Variants in TMEM39B observed in about 807,000 individuals in gnomAD.
TMEM39B encodes the protein transmembrane protein 39B.
A neutral mutation model predicts 52.2 loss-of-function variants in TMEM39B; 23 were observed. That is an observed-to-expected ratio of 0.44 (90% CI 0.32 to 0.62). The LOEUF (loss-of-function observed/expected upper bound fraction) is 0.62, where lower values mean the gene tolerates loss of function less well. Among genes scored for constraint, TMEM39B ranks in the 20% least tolerant of loss-of-function variants. The pLI is 0.06. For synonymous variants in TMEM39B, 285 were observed against 264.0 expected, an observed-to-expected ratio of 1.08 and a Z score of -0.77; for missense variants, 547 against 642.0, an observed-to-expected ratio of 0.85 and a Z score of 1.60.
intron 5 of TMEM39B, among the ~76,000 whole-genome samples, chr1:32,088,031 C>A (rs1005531283): frequency 5.3e-5 from 8 of 150,080 alleles, no homozygotes; most frequent in Non-Finnish European, 8.9e-5. Flanking sequence ...GAGGCTGAGG[C>A]AGAAGAATGG....
intron 7 of TMEM39B, among the ~76,000 whole-genome samples, chr1:32,097,289 C>T (rs1640845736): frequency 6.6e-6 from 1 of 151,848 alleles, no homozygotes; most frequent in Non-Finnish European, 1.5e-5. Flanking sequence ...GTTAGTTTTG[C>T]CTGTTGTAGA....
In TMEM39B at chr1:32,102,605, T is replaced by C. The variant is rs775050291; in HGVS notation, c.1411T>C (p.Leu471=). The part of the protein sequence containing the change: ...YAFFKLLRDR[L]VLGKAYSYSA... ...CTTCTTCAAGCTGCTCCGGGACCGC[T>C]TGGTATTGGGCAAGGCCTACTCATA... The change falls in exon 9 of 9, where the codon TTG becomes CTG. Residue 471 remains leucine (L), a synonymous_variant. Transcript: ENST00000336294. 4 of 1,613,644 alleles carry C rather than the reference T, an allele frequency of 2.5e-6. No homozygotes were observed. Among genetic ancestry groups the C allele is most frequent in the South Asian group, 2.2e-5 (2 of 91,050 alleles).
chr1:32,098,902 A>G (rs1430349472), intron 7 of TMEM39B, among the ~76,000 whole-genome samples: 2 of 152,190 alleles, frequency 1.3e-5, no homozygotes, highest in Non-Finnish European at 2.9e-5. Flanking sequence ...AAATAAATAG[A>G]TGACCAGCAT....
rs1312127057 is a variant in TMEM39B, at chr1:32,075,664, C to A, written c.193C>A (p.Gln65Lys). 3 of 1,551,768 alleles carry A rather than the reference C, an allele frequency of 1.9e-6. No homozygotes were observed. ...PLATQTVVPLQHCKIPELPVQ... is the reference protein window; with the variant it reads ...PLATQTVVPLKHCKIPELPVQ... ...GGCCACCCAAACTGTTGTGCCTCTA[C>A]AGCACTGCAAGATCCCCGAGCTGCC... The change falls in exon 3 of 9, where the codon CAG (glutamine) becomes AAG (lysine). Residue 65 changes from glutamine to lysine, a missense_variant. By Grantham distance (53) the Gln-to-Lys change is moderately conservative (BLOSUM62 1). Coordinates refer to ENST00000336294, the MANE Select transcript of TMEM39B (RefSeq NM_018056.4).
chr1:32,100,996 A>C (rs182103601), intron 8 of TMEM39B, among the ~76,000 whole-genome samples: 13 of 152,300 alleles, frequency 8.5e-5, no homozygotes, highest in Non-Finnish European at 1.9e-4. Context: ...ATGCCACTGC[A>C]CTCCAGCCTG....
rs1420981094 is a variant in TMEM39B at position 32,102,525 on chromosome 1, A to C, written c.1331A>C (p.Glu444Ala). The change falls in exon 9 of 9, where the codon GAA becomes GCA. Residue 444 changes from glutamate (E) to alanine (A), a missense_variant. Transcript: ENST00000336294. The part of the protein sequence containing the change: ...VYQLYSLMSS[E>A]KWHQTISLAL... ...CAGCTGTACTCCCTAATGTCCTCTG[A>C]AAAGTGGCACCAGACCATCTCGCTG... 6.2e-6 allele frequency: 10 copies of C among 1,614,118 alleles called. 1 individual carries two copies. The highest frequency in any genetic ancestry group is 5.5e-5 in the South Asian group (5 of 91,074).
chr1:32,073,134 C>T, intron 1 of TMEM39B, 83 bp downstream of exon 1: 2 of 1,354,256 alleles, frequency 1.5e-6, no homozygotes, highest in South Asian at 1.8e-5. Context: ...CTGCTCCACG[C>T]GGACAGGAGC....
chr1:32,087,943 T>G (rs1640435278), intron 5 of TMEM39B: 1 of 146,780 alleles, frequency 6.8e-6, no homozygotes, highest in African/African-American at 2.5e-5. Flanking sequence ...CCACCACACC[T>G]GGCCCATCTC....
Position 32,075,191 on chromosome 1 carries a change from AG to A in TMEM39B, c.131+118del, listed in dbSNP as rs529106457. ...ATCCTAGATGCCAGTGGGGGCTTAG[AG>A]GGGAGTAAGCAGCAGAAAAGATCCA... is the stretch of plus-strand genomic sequence containing the variant. On this transcript the variant is annotated intron_variant, in intron 2 of 8. Coordinates refer to ENST00000336294, the MANE Select transcript of TMEM39B (RefSeq NM_018056.4). 91 of 1,402,246 alleles carry A rather than the reference AG, an allele frequency of 6.5e-5. No homozygotes were observed. The African/African-American group carries it at 1.2e-3, about 18-fold the overall frequency. 86.9% of individuals were successfully genotyped at this position (1,402,246 alleles called of 1,614,324 possible).
At position 32,076,751 on chromosome 1, in the gene TMEM39B, G is replaced by C. The variant is rs759309171; in HGVS notation, c.352-12G>C. 1 of 1,613,942 alleles carries C rather than the reference G, an allele frequency of 6.2e-7. No homozygotes were observed. Among genetic ancestry groups the C allele is most frequent in the Admixed American group, 1.7e-5 (1 of 60,000 alleles). On this transcript the variant is annotated splice_polypyrimidine_tract_variant and intron_variant, in intron 3 of 8. Coordinates refer to ENST00000336294, the MANE Select transcript of TMEM39B (RefSeq NM_018056.4). ...GGGCCCACATGACCCCCAGGCCTCTGCCCCCTGACAGAACTTCCATCTGAT... is the reference window on the plus strand; with the variant it reads ...GGGCCCACATGACCCCCAGGCCTCTCCCCCCTGACAGAACTTCCATCTGAT...
Position 32,089,180 on chromosome 1 carries a change from A to C in TMEM39B, c.591-2495A>C, listed in dbSNP as rs1194970542. On this transcript the variant is annotated intron_variant, in intron 5 of 8. Coordinates refer to ENST00000336294, the MANE Select transcript of TMEM39B (RefSeq NM_018056.4). Reference sequence around the variant, plus strand: ...TAGACAGGGTCTCATTCTGTCACCCAGGCTGGAGTGCAGTAGTGTGATCTC... The same window carrying C: ...TAGACAGGGTCTCATTCTGTCACCCCGGCTGGAGTGCAGTAGTGTGATCTC... Among the ~76,000 whole-genome samples, 5 of 140,878 alleles carry C rather than the reference A, an allele frequency of 3.5e-5. No homozygotes were observed. The East Asian group carries it at 1.0e-3, about 29-fold the overall frequency. 92.4% of individuals were successfully genotyped at this position (140,878 alleles called of 152,430 possible).
chr1:32,076,934 T>G, intron 4 of TMEM39B, 88 bp downstream of exon 4: 1 of 1,477,304 alleles, frequency 6.8e-7, no homozygotes, highest in Non-Finnish European at 9.4e-7. Flanking sequence ...CCCTTCAGCC[T>G]TAGGGTATTT....
chr1:32,093,102 ATC>A (rs1640670358), intron 6 of TMEM39B, among the ~76,000 whole-genome samples: 1 of 151,898 alleles, frequency 6.6e-6, no homozygotes, highest in Non-Finnish European at 1.5e-5. Context: ...AGAGAACTTA[ATC>A]TCTCTTTTTT....
rs940527739 is a variant in TMEM39B at position 32,091,710 on chromosome 1, G to T, written c.626G>T (p.Cys209Phe). 1.2e-6 allele frequency: 2 copies of T among 1,611,568 alleles called. No individual in the cohort carries two copies. The highest frequency in any genetic ancestry group is 1.3e-5 in the African/African-American group (1 of 74,906). The change falls in exon 6 of 9, where the codon TGC becomes TTC. Residue 209 changes from cysteine (C) to phenylalanine (F), a missense_variant. Cys to Phe is a radical substitution (Grantham distance 205). Transcript: ENST00000336294. ...GMYIPFLQLN[C>F]DLRKTSLFNH... ...TACATTCCGTTCCTGCAGCTGAATT[G>T]CGACCTCCGCAAGACAAGCCTCTTC... is the stretch of plus-strand genomic sequence containing the variant.
intron 6 of TMEM39B, among the ~76,000 whole-genome samples, chr1:32,092,291 T>C (rs981045928): frequency 6.6e-6 from 1 of 152,038 alleles, no homozygotes; most frequent in South Asian, 2.1e-4. Flanking sequence ...TGAGTAGCTG[T>C]GACTGCAGGC....
chr1:32,080,524 G>A (rs1450738518), intron 5 of TMEM39B, among the ~76,000 whole-genome samples: 3 of 151,666 alleles, frequency 2.0e-5, no homozygotes, highest in African/African-American at 4.8e-5. Flanking sequence ...AAAACTAGCC[G>A]GGCATGGTGG....
Position 32,077,186 on chromosome 1 carries a change from C to T in TMEM39B, c.458C>T (p.Ser153Phe). ...VKEASQRGKV[S>F]LFRSILLFLT... is the part of the protein sequence containing the mutation. ...CAGGCCTCTCAGAGGGGGAAGGTCT[C>T]CCTCTTTCGCTCCATCCTGCTGTTC... Residue 153 changes from serine (S) to phenylalanine (F), a missense_variant, in exon 5 of 9, where the codon TCC (serine) becomes TTC (phenylalanine). Coordinates refer to ENST00000336294, the MANE Select transcript of TMEM39B (RefSeq NM_018056.4). The T allele has an allele frequency of 6.2e-7, 1 of 1,614,158 alleles. No homozygotes were observed. Among genetic ancestry groups the T allele is most frequent in the Non-Finnish European group, 8.5e-7 (1 of 1,180,028 alleles).
chr1:32,075,197 G>A lies in TMEM39B; in HGVS notation c.131+120G>A, dbSNP rs1180021474. On this transcript the variant is annotated intron_variant, in intron 2 of 8. Transcript: ENST00000336294. Reference sequence around the variant, plus strand: ...GATGCCAGTGGGGGCTTAGAGGGGAGTAAGCAGCAGAAAAGATCCAGAGGG... The same window carrying A: ...GATGCCAGTGGGGGCTTAGAGGGGAATAAGCAGCAGAAAAGATCCAGAGGG... 15 of 1,364,188 alleles carry A rather than the reference G, an allele frequency of 1.1e-5. No homozygotes were observed. In the East Asian group the frequency reaches 3.8e-4, roughly 35 times the overall value. 84.5% of individuals were successfully genotyped at this position (1,364,188 alleles called of 1,614,324 possible). A position where few individuals can be genotyped will look rare whatever the true frequency, so the allele number is the denominator to read the frequency against.
Position 32,073,022 on chromosome 1 carries a change from G to A in TMEM39B, c.-26G>A, listed in dbSNP as rs1381458245. 4 of 1,530,372 alleles carry A rather than the reference G, an allele frequency of 2.6e-6. No homozygotes were observed. The highest frequency in any genetic ancestry group is 2.1e-5 in the Admixed American group (1 of 48,704). The allele number at this position is 1,530,372 out of a possible 1,614,324, so 94.8% of individuals were successfully genotyped here. A position where few individuals can be genotyped will look rare whatever the true frequency, so the allele number is the denominator to read the frequency against. ...TATTGCCCGCAGGAGCTGCGGCGGC[G>A]AAGCGGAGAGCACCGGGGGGAGGAG... On this transcript the variant is annotated 5_prime_UTR_variant, in exon 1 of 9. Transcript: ENST00000336294.
Sources: allele counts gnomAD v4.1 joint callset (sites outside exome capture counted in the v4.1 genomes callset), GRCh38; gene constraint gnomAD v4.1.1; transcripts MANE v1.5; gene names NCBI Gene and HGNC (gene_info 2026-07-23, HGNC 2026-07-21).